USP53: variants seen among roughly 807,000 people sequenced by gnomAD.
USP53 encodes ubiquitin carboxyl-terminal hydrolase 53.
A neutral mutation model predicts 94.9 loss-of-function variants in USP53; 71 were observed. That is an observed-to-expected ratio of 0.75 (90% CI 0.62 to 0.91). The LOEUF (loss-of-function observed/expected upper bound fraction) is 0.91, where lower values mean the gene tolerates loss of function less well. USP53 is among the 40% of genes least tolerant of loss of function. USP53 has a pLI of 0.00. For missense variants in USP53, 1,173 were observed against 1,281.0 expected (o/e 0.92, Z 1.29); for synonymous variants, 375 against 422.7 (o/e 0.89, Z 1.39).
intron 12 of USP53, among the ~76,000 whole-genome samples, chr4:119,266,837 A>G (rs1227706078): frequency 1.3e-5 from 2 of 152,000 alleles, no homozygotes; most frequent in Non-Finnish European, 2.9e-5. Context: ...GCCCTTCCCC[A>G]AGGTTGCAAA....
intron 3 of USP53, among the ~76,000 whole-genome samples, chr4:119,232,982 T>A (rs935515209): frequency 3.9e-5 from 6 of 152,126 alleles, no homozygotes; most frequent in Non-Finnish European, 1.5e-5. Flanking sequence ...CTCTTTTCCA[T>A]TTTCTTCTAA....
chr4:119,244,471 G>C lies in USP53; in HGVS notation c.145-866G>C, dbSNP rs191405213. ...GACACGACTAAAAGAGAAATTTGAAGATCTTATTTGTTTGTTGTAATAGTA... is the reference window on the plus strand; with the variant it reads ...GACACGACTAAAAGAGAAATTTGAACATCTTATTTGTTTGTTGTAATAGTA... On this transcript the variant is annotated intron_variant, in intron 5 of 18. Coordinates refer to ENST00000692078, the MANE Select transcript of USP53 (RefSeq NM_001371395.1). Among the ~76,000 whole-genome samples, 1,090 of 152,238 alleles carry C rather than the reference G, an allele frequency of 7.2e-3. 8 individuals carry two copies. Among genetic ancestry groups the C allele is most frequent in the Non-Finnish European group, 0.011 (758 of 68,010 alleles).
intron 12 of USP53, chr4:119,266,280 T>A (rs1751111658): frequency 2.2e-6 from 1 of 455,854 alleles, no homozygotes; most frequent in South Asian, 1.6e-5. Context: ...TGTGAACATA[T>A]TTTTTTCCGT....
At chr4:119,289,283 T>C (rs568028938) in intron 17 of USP53, among the ~76,000 whole-genome samples, 1 of 152,324 alleles carries the variant, frequency 6.6e-6, no homozygotes, top group South Asian at 2.1e-4. Flanking sequence ...AAAACACAAG[T>C]ATATGGCAAT....
rs759444918 is a variant in USP53, at chr4:119,293,007, T to C, written c.3018T>C (p.Asp1006=). The change falls in exon 19 of 19, where the codon GAT becomes GAC. Residue 1006 remains aspartate (D), a synonymous_variant. Coordinates refer to ENST00000692078, the MANE Select transcript of USP53 (RefSeq NM_001371395.1). ...PNCPSSSSTN[D]FQANSGAIDA... ...GTCCATCCAGCTCCTCAACTAACGA[T>C]TTTCAGGCAAACTCAGGTGCCATTG... is the stretch of plus-strand genomic sequence containing the variant. 1 of 1,614,084 alleles carries C rather than the reference T, an allele frequency of 6.2e-7. No homozygotes were observed. The highest frequency in any genetic ancestry group is 8.5e-7 in the Non-Finnish European group (1 of 1,179,966).
intron 3 of USP53, among the ~76,000 whole-genome samples, chr4:119,227,214 G>T (rs1745370982): frequency 7.1e-6 from 1 of 141,394 alleles, no homozygotes; most frequent in Admixed American, 7.4e-5. Flanking sequence ...TGGAAAATTA[G>T]ATTTTGTTTG....
At position 119,271,860 on chromosome 4, in the gene USP53, A is replaced by G. The variant is rs1398979657; in HGVS notation, c.2000A>G (p.Lys667Arg). The G allele has an allele frequency of 6.2e-7, 1 of 1,613,380 alleles. No individual in the cohort carries two copies. The highest frequency in any genetic ancestry group is 1.3e-5 in the African/African-American group (1 of 75,000). The change falls in exon 16 of 19, where the codon AAA (lysine) becomes AGA (arginine). Residue 667 changes from lysine (K) to arginine (R), a missense_variant. Transcript: ENST00000692078. ...AATGGAAAAGGAGCAGAGAAAAATA[A>G]AGGCCTTGTAGAGGGTAAAGTGCAT... ...ESNGKGAEKN[K>R]GLVEGKVHGD...
At chr4:119,214,331 G>A (rs1277026219) in intron 2 of USP53, 109 bp downstream of exon 2, 3 of 152,050 alleles carry the variant, frequency 2.0e-5, no homozygotes, top group African/African-American at 7.2e-5. Context: ...GTTTACTGGT[G>A]ATAAACCATG....
At chr4:119,235,798 CCTTTCCAAT>C (rs1746661673) in intron 4 of USP53, among the ~76,000 whole-genome samples, 1 of 152,186 alleles carries the variant, frequency 6.6e-6, no homozygotes. Context: ...CTTCTTCATC[CCTTTCCAAT>C]CTTTGTGCAA....
At chr4:119,238,107 A>G (rs1368049359) in intron 4 of USP53, among the ~76,000 whole-genome samples, 1 of 152,186 alleles carries the variant, frequency 6.6e-6, no homozygotes, top group Non-Finnish European at 1.5e-5. Flanking sequence ...TTTGAGTAAC[A>G]CTTTTAATTT....
chr4:119,232,255 G>A (rs1165500780), intron 3 of USP53, among the ~76,000 whole-genome samples: 2 of 152,032 alleles, frequency 1.3e-5, no homozygotes, highest in African/African-American at 4.8e-5. Flanking sequence ...ACCTCAGAAA[G>A]AAACTCTATC....
At chr4:119,230,285 A>C (rs1745891651) in intron 3 of USP53, among the ~76,000 whole-genome samples, 1 of 152,168 alleles carries the variant, frequency 6.6e-6, no homozygotes, top group Admixed American at 6.5e-5. Context: ...TTGTTTTACC[A>C]AAGTGAGATC....
intron 17 of USP53, among the ~76,000 whole-genome samples, chr4:119,280,827 C>T (rs1270740631): frequency 1.3e-5 from 2 of 152,120 alleles, no homozygotes; most frequent in African/African-American, 4.8e-5. Context: ...GTGAGGAGGA[C>T]ATAAAGGAAG....
intron 5 of USP53, among the ~76,000 whole-genome samples, chr4:119,244,386 TG>T (rs1747943378): frequency 6.6e-6 from 1 of 151,728 alleles, no homozygotes; most frequent in African/African-American, 2.4e-5. Context: ...ATTAACTTTT[TG>T]TTTTTATTTG....
chr4:119,246,068 G>A (rs1275153534), intron 6 of USP53, among the ~76,000 whole-genome samples: 1 of 152,206 alleles, frequency 6.6e-6, no homozygotes, highest in Non-Finnish European at 1.5e-5. Flanking sequence ...GGTGGCGATG[G>A]CAGGAGCTTT....
At chr4:119,253,897 T>C (rs530639439) in intron 7 of USP53, among the ~76,000 whole-genome samples, 11 of 152,354 alleles carry the variant, frequency 7.2e-5, no homozygotes, top group African/African-American at 2.6e-4. Context: ...TCAGGAGCTC[T>C]TGAAAGGCAG....
At chr4:119,222,849 C>T (rs917341162) in intron 3 of USP53, among the ~76,000 whole-genome samples, 2 of 151,322 alleles carry the variant, frequency 1.3e-5, no homozygotes, top group Non-Finnish European at 2.9e-5. Context: ...TCTTTTTTCT[C>T]CTGGAACACA....
At chr4:119,265,271 A>G (rs979589926) in intron 12 of USP53, among the ~76,000 whole-genome samples, 2 of 152,194 alleles carry the variant, frequency 1.3e-5, no homozygotes, top group African/African-American at 4.8e-5. Flanking sequence ...TTTGGTATTT[A>G]TATTTAAAAT....
In USP53 at chr4:119,272,051, G is replaced by A. The variant is rs748783855; in HGVS notation, c.2174+17G>A. 1.3e-6 allele frequency: 2 copies of A among 1,530,502 alleles called. No individual in the cohort carries two copies. The highest frequency in any genetic ancestry group is 1.4e-5 in the African/African-American group (1 of 71,990). The allele number at this position is 1,530,502 out of a possible 1,614,324, so 94.8% of individuals were successfully genotyped here. A position where few individuals can be genotyped will look rare whatever the true frequency, so the allele number is the denominator to read the frequency against. ...ATGCTTCAGGTAATGTAAAAGTTGA[G>A]TGAATCATTTTTCCATCACTCTTCT... On this transcript the variant is annotated intron_variant, in intron 16 of 18. Transcript: ENST00000692078.
Sources: gnomAD v4.1 joint callset for allele counts (sites outside exome capture counted in the v4.1 genomes callset) on GRCh38, gnomAD v4.1.1 for gene constraint, MANE v1.5 for transcripts, NCBI Gene and HGNC (gene_info 2026-07-23, HGNC 2026-07-21) for gene names.